The following DLG2 variants were observed in gnomAD, a reference collection of about 807,000 sequenced individuals.
The protein encoded by DLG2 is discs large MAGUK scaffold protein 2.
A neutral mutation model predicts 132.5 loss-of-function variants in DLG2; 45 were observed. The ratio of observed to expected loss-of-function variants is 0.34; its 90% CI spans 0.27 to 0.44. DLG2 has a LOEUF of 0.44. DLG2 is among the 20% of genes least tolerant of loss of function. The probability of loss-of-function intolerance (pLI) is 1.00; values close to 1 mark genes in which losing one functional copy is unlikely to be tolerated. For missense variants in DLG2, 1,045 were observed against 1,196.9 expected (o/e 0.87, Z 1.87); for synonymous variants, 424 against 419.6 (o/e 1.01, Z -0.13).
chr11:85,133,021 G>A lies in DLG2; in HGVS notation c.283-21286C>T, dbSNP rs1202417213. 14 of 344,564 alleles carry A rather than the reference G, an allele frequency of 4.1e-5. No homozygotes were observed. In the Admixed American group the frequency reaches 4.2e-4, roughly 10 times the overall value. The allele number at this position is 344,564 out of a possible 1,614,324, so 21.3% of individuals were successfully genotyped here. ...AGAAAATCCCCTAGAAATCAGCTCC[G>A]GCAAAACTTCCCGGTGGCTTCCTGG... On this transcript the variant is annotated intron_variant, in intron 5 of 27. Coordinates refer to ENST00000376104, the MANE Select transcript of DLG2 (RefSeq NM_001142699.3).
chr11:83,806,959 T>C (rs888159194), intron 17 of DLG2, among the ~76,000 whole-genome samples: 2 of 152,294 alleles, frequency 1.3e-5, no homozygotes, highest in Admixed American at 1.3e-4. Flanking sequence ...TAATTCTCTA[T>C]ACTGGAGCTG....
chr11:84,923,119 T>C, intron 6 of DLG2: 1 of 1,613,808 alleles, frequency 6.2e-7, no homozygotes, highest in Non-Finnish European at 8.5e-7. Context: ...CAAAGAACAT[T>C]GCAGTAAATA....
chr11:83,639,402 T>A (rs1244552254), intron 18 of DLG2, among the ~76,000 whole-genome samples: 1 of 152,186 alleles, frequency 6.6e-6, no homozygotes, highest in African/African-American at 2.4e-5. Context: ...TTTGGGTTGG[T>A]TCCAAGTCTT....
intron 6 of DLG2, among the ~76,000 whole-genome samples, chr11:84,837,250 G>C (rs900044924): frequency 1.9e-4 from 29 of 151,800 alleles, no homozygotes; most frequent in African/African-American, 5.8e-4. Flanking sequence ...GAAGTAGGTA[G>C]GTTCCCAGAA....
At chr11:84,636,595 A>G (rs1430117954) in intron 6 of DLG2, among the ~76,000 whole-genome samples, 1 of 152,200 alleles carries the variant, frequency 6.6e-6, no homozygotes, top group Non-Finnish European at 1.5e-5. Flanking sequence ...TAGGCAGAGG[A>G]AACATCATTT....
At chr11:85,242,743 T>G (rs996953996) in intron 4 of DLG2, among the ~76,000 whole-genome samples, 2 of 151,954 alleles carry the variant, frequency 1.3e-5, no homozygotes, top group African/African-American at 2.4e-5. Flanking sequence ...TATCTTACTT[T>G]ATTCTATCTG....
chr11:84,791,776 G>C (rs1320126493), intron 6 of DLG2, among the ~76,000 whole-genome samples: 1 of 152,040 alleles, frequency 6.6e-6, no homozygotes, highest in East Asian at 1.9e-4. Flanking sequence ...ATTTTTGTAT[G>C]TTGATTTTGT....
intron 7 of DLG2, among the ~76,000 whole-genome samples, chr11:84,475,066 T>C (rs907418973): frequency 2.0e-5 from 3 of 152,142 alleles, no homozygotes; most frequent in South Asian, 2.1e-4. Flanking sequence ...ATCTGCTAGA[T>C]GTTACCAAAA....
At chr11:85,039,258 A>C (rs2061651881) in intron 6 of DLG2, among the ~76,000 whole-genome samples, 1 of 106,274 alleles carries the variant, frequency 9.4e-6, no homozygotes, top group Non-Finnish European at 1.9e-5. Context: ...TCAGTCTCTA[A>C]ACAAGTTCTA....
chr11:85,300,565 G>C (rs2079525340), intron 3 of DLG2, among the ~76,000 whole-genome samples: 1 of 152,174 alleles, frequency 6.6e-6, no homozygotes, highest in Non-Finnish European at 1.5e-5. Context: ...TGTATGAATA[G>C]ATAGATGGGA....
At chr11:83,955,399 C>T (rs1241476559) in intron 14 of DLG2, among the ~76,000 whole-genome samples, 1 of 152,130 alleles carries the variant, frequency 6.6e-6, no homozygotes, top group Non-Finnish European at 1.5e-5. Context: ...TTCCACCATA[C>T]TTGACTAAAA....
At chr11:85,498,755 T>G (rs1259051386) in intron 3 of DLG2, among the ~76,000 whole-genome samples, 1 of 152,162 alleles carries the variant, frequency 6.6e-6, no homozygotes, top group Non-Finnish European at 1.5e-5. Context: ...GCAATCAAAT[T>G]AGAACTCAGG....
In DLG2 at chr11:84,758,827, A is replaced by T. The variant is rs4451754; in HGVS notation, c.358-224096T>A. ...TCACTAAGTTGAAAAGCTCGTAAAG[A>T]TTACTTTTCTACAAAATACACAAGC... On this transcript the variant is annotated intron_variant, in intron 6 of 27. Coordinates refer to ENST00000376104, the MANE Select transcript of DLG2 (RefSeq NM_001142699.3). Among the ~76,000 whole-genome samples the T allele has an allele frequency of 7.9e-5, 12 of 152,182 alleles. No individual in the cohort carries two copies. The South Asian group carries it at 2.3e-3, about 29-fold the overall frequency.
At chr11:84,198,409 T>C (rs2096550327) in intron 8 of DLG2, among the ~76,000 whole-genome samples, 1 of 152,132 alleles carries the variant, frequency 6.6e-6, no homozygotes, top group African/African-American at 2.4e-5. Flanking sequence ...ATATATTTTA[T>C]AAAAGGAAAA....
intron 16 of DLG2, among the ~76,000 whole-genome samples, chr11:83,835,447 G>A (rs1421974048): frequency 6.6e-6 from 1 of 152,088 alleles, no homozygotes; most frequent in Non-Finnish European, 1.5e-5. Flanking sequence ...TTGAAGAGGT[G>A]AGGAAACTAG....
rs569733440 is a variant in DLG2 at position 83,604,290 on chromosome 11, A to T, written c.1940+28921T>A. On this transcript the variant is annotated intron_variant, in intron 19 of 27. Coordinates refer to ENST00000376104, the MANE Select transcript of DLG2 (RefSeq NM_001142699.3). ...ATTCATAAGAGATTCCACCTATTTC[A>T]AGTGTGTTTATCATCCAGCCAGCAC... Among the ~76,000 whole-genome samples the T allele has an allele frequency of 7.2e-5, 11 of 152,256 alleles. No homozygotes were observed. In the East Asian group the frequency reaches 2.1e-3, roughly 29 times the overall value.
intron 4 of DLG2, among the ~76,000 whole-genome samples, chr11:85,220,092 A>C (rs1346323350): frequency 1.3e-5 from 2 of 152,124 alleles, no homozygotes; most frequent in African/African-American, 4.8e-5. Context: ...CAATAAACAA[A>C]GCATACAAAA....
At chr11:85,281,595 T>C (rs471786) in intron 4 of DLG2, among the ~76,000 whole-genome samples, 119,705 of 151,876 alleles carry the variant, frequency 0.79, 47,985 homozygotes, top group Non-Finnish European at 0.88. Flanking sequence ...CAACGGTTTC[T>C]ATTTCGCTCA....
At chr11:84,766,023 A>G (rs1246606907) in intron 6 of DLG2, among the ~76,000 whole-genome samples, 3 of 152,050 alleles carry the variant, frequency 2.0e-5, no homozygotes, top group Non-Finnish European at 1.5e-5. Flanking sequence ...TTACATTCCC[A>G]TAATACCTTC....
Sources: allele counts gnomAD v4.1 joint callset (sites outside exome capture counted in the v4.1 genomes callset), GRCh38; gene constraint gnomAD v4.1.1; transcripts MANE v1.5; gene names NCBI Gene and HGNC (gene_info 2026-07-23, HGNC 2026-07-21).